Variants in SLC9A4 observed in about 807,000 individuals in gnomAD.
SLC9A4 encodes the protein sodium/hydrogen exchanger 4.
SLC9A4 carries 63 observed loss-of-function variants against 67.4 expected under a neutral mutation model. The ratio of observed to expected loss-of-function variants is 0.93; its 90% confidence interval spans 0.76 to 1.15. The LOEUF is 1.15. SLC9A4 is among the 50% of genes most tolerant of loss of function. The pLI, the probability that SLC9A4 is intolerant of heterozygous loss-of-function variation, is 0.00. For missense variants in SLC9A4, 1,089 were observed against 987.7 expected, an observed-to-expected ratio of 1.10 and a Z score of -1.38; for synonymous variants, 393 against 367.2, an observed-to-expected ratio of 1.07 and a Z score of -0.80.
At chr2:102,479,555 G>A (rs938967850) in intron 2 of SLC9A4, among the ~76,000 whole-genome samples, 1 of 152,188 alleles carries the variant, frequency 6.6e-6, no homozygotes, top group Non-Finnish European at 1.5e-5. Context: ...GAGAGAGAAC[G>A]TATCATTCTT....
intron 11 of SLC9A4, 151 bp downstream of exon 11, chr2:102,526,497 C>A: frequency 1.6e-6 from 1 of 619,808 alleles, no homozygotes; most frequent in Non-Finnish European, 2.7e-6. Flanking sequence ...ATAGTTGAAA[C>A]TCGGAACTTT....
Position 102,479,252 on chromosome 2 carries a change from C to G in SLC9A4, c.670C>G (p.Leu224Val). ...VFEEARVNEQ[L>V]YMMIFGEALL... Reference sequence around the variant, plus strand: ...TGAGGAAGCGCGCGTGAACGAGCAGCTCTACATGATGATCTTTGGGGAGGC... The same window carrying G: ...TGAGGAAGCGCGCGTGAACGAGCAGGTCTACATGATGATCTTTGGGGAGGC... Residue 224 changes from leucine to valine, a missense_variant, in exon 2 of 12, where the codon CTC becomes GTC. Physicochemically the swap from Leu to Val is conservative, Grantham distance 32. Transcript: ENST00000295269. 6.2e-7 allele frequency: 1 copy of G among 1,614,042 alleles called. No homozygotes were observed. Among genetic ancestry groups the G allele is most frequent in the Non-Finnish European group, 8.5e-7 (1 of 1,180,016 alleles).
At chr2:102,486,014 C>T (rs1684581525) in intron 2 of SLC9A4, among the ~76,000 whole-genome samples, 1 of 152,194 alleles carries the variant, frequency 6.6e-6, no homozygotes, top group Non-Finnish European at 1.5e-5. Context: ...GAGGGTGAAC[C>T]ATGTATCCAG....
In SLC9A4 at chr2:102,479,667, T is replaced by C. The variant is rs530302946; in HGVS notation, c.720+365T>C. Among the ~76,000 whole-genome samples the C allele has an allele frequency of 6.6e-5, 10 of 152,342 alleles. 1 individual carries two copies. The highest frequency in any genetic ancestry group is 4.6e-4 in the Admixed American group (7 of 15,302). ...CAGAAACTGATGTTTTTATTTCCTC[T>C]CCATCATCAGACCTCACTCTTATTC... On this transcript the variant is annotated intron_variant, in intron 2 of 11. Coordinates refer to ENST00000295269, the MANE Select transcript of SLC9A4 (RefSeq NM_001011552.4).
At chr2:102,521,618 C>G (rs1573354915) in intron 9 of SLC9A4, among the ~76,000 whole-genome samples, 2 of 152,204 alleles carry the variant, frequency 1.3e-5, no homozygotes, top group Admixed American at 1.3e-4. Context: ...TAAGAATTCT[C>G]TCTTCCACCA....
chr2:102,512,180 A>G, intron 6 of SLC9A4, 23 bp from the exon 7 acceptor site: 17 of 1,613,728 alleles, frequency 1.1e-5, no homozygotes, highest in Non-Finnish European at 1.4e-5. Context: ...TCCAGCAATC[A>G]TTTTCTTGTG....
Position 102,473,903 on chromosome 2 carries a change from T to C in SLC9A4, c.144T>C (p.Ala48=), listed in dbSNP as rs1684273945. Reference sequence around the variant, plus strand: ...ATGCATCTAACGCTTGGTTTGCTGCTGCCAGCTCAGAGCCAGAGGAAGGGA... The same window carrying C: ...ATGCATCTAACGCTTGGTTTGCTGCCGCCAGCTCAGAGCCAGAGGAAGGGA... ...AQYASNAWFA[A]ASSEPEEGIS... The change falls in exon 1 of 12, where the codon GCT becomes GCC. Residue 48 remains alanine (A), a synonymous_variant. Coordinates refer to ENST00000295269, the MANE Select transcript of SLC9A4 (RefSeq NM_001011552.4). The C allele has an allele frequency of 1.9e-6, 3 of 1,614,026 alleles. No individual in the cohort carries two copies. The highest frequency in any genetic ancestry group is 2.5e-6 in the Non-Finnish European group (3 of 1,179,964).
At chr2:102,510,019 T>A (rs1685128635) in intron 6 of SLC9A4, among the ~76,000 whole-genome samples, 2 of 151,982 alleles carry the variant, frequency 1.3e-5, no homozygotes, top group Non-Finnish European at 2.9e-5. Flanking sequence ...TTTTTTTTTT[T>A]TATAAAGGTA....
rs1034686814 is a variant in SLC9A4 at position 102,484,657 on chromosome 2, G to T, written c.720+5355G>T. Among the ~76,000 whole-genome samples the T allele has an allele frequency of 4.6e-5, 7 of 152,286 alleles. No individual in the cohort carries two copies. In the East Asian group the frequency reaches 1.4e-3, roughly 29 times the overall value. On this transcript the variant is annotated intron_variant, in intron 2 of 11. Coordinates refer to ENST00000295269, the MANE Select transcript of SLC9A4 (RefSeq NM_001011552.4). ...CACCTCACAGATGGGAGGGCGGATTGTTCTTAGATTTATAATCTGCCTTCG... is the reference window on the plus strand; with the variant it reads ...CACCTCACAGATGGGAGGGCGGATTTTTCTTAGATTTATAATCTGCCTTCG...
chr2:102,512,051 C>A, intron 6 of SLC9A4, 152 bp from the exon 7 acceptor site: 1 of 723,594 alleles, frequency 1.4e-6, no homozygotes, highest in Non-Finnish European at 2.2e-6. Flanking sequence ...TGAAAGGCAC[C>A]AAATATTTTA....
At chr2:102,528,422 A>G (rs1317277285) in intron 11 of SLC9A4, among the ~76,000 whole-genome samples, 1 of 151,604 alleles carries the variant, frequency 6.6e-6, no homozygotes, top group Non-Finnish European at 1.5e-5. Context: ...TTTTTAATTT[A>G]AATTTTTTTA....
rs756490573 is a variant in SLC9A4, at chr2:102,526,297, C to T, written c.1989C>T (p.Tyr663=). 154 of 1,613,778 alleles carry T rather than the reference C, an allele frequency of 9.5e-5. No individual in the cohort carries two copies. Among genetic ancestry groups the T allele is most frequent in the South Asian group, 5.4e-4 (49 of 91,090 alleles). Residue 663 remains tyrosine (Y), a synonymous_variant, in exon 11 of 12, where the codon TAC becomes TAT. Coordinates refer to ENST00000295269, the MANE Select transcript of SLC9A4 (RefSeq NM_001011552.4). ...ATATCCGCTACCTCTCCTACCCCTA[C>T]GGGAATCCTCAGTCTGCAGGAAGAG... ...TKNIRYLSYP[Y]GNPQSAGRDT... is the part of the protein sequence containing the mutation.
At position 102,508,088 on chromosome 2, in the gene SLC9A4, C is replaced by G; in HGVS notation, c.1208C>G (p.Ala403Gly). 1 of 1,614,020 alleles carries G rather than the reference C, an allele frequency of 6.2e-7. No individual in the cohort carries two copies. Among genetic ancestry groups the G allele is most frequent in the East Asian group, 2.2e-5 (1 of 44,898 alleles). The change falls in exon 5 of 12, where the codon GCT becomes GGT. Residue 403 changes from alanine (A) to glycine (G), a missense_variant. Transcript: ENST00000295269. ...GTTTCCCCCTTTCTAGGCGTATTTG[C>G]TCTCTTCTATATCAGTAACCAGTTT... The part of the protein sequence containing the change: ...CQIWRAISVF[A>G]LFYISNQFRT...
intron 11 of SLC9A4, among the ~76,000 whole-genome samples, chr2:102,531,164 G>A (rs2104452861): frequency 6.7e-6 from 1 of 148,192 alleles, no homozygotes; most frequent in South Asian, 2.1e-4. Flanking sequence ...CCAGGTTCAC[G>A]TCATTCTCCT....
At chr2:102,496,593 T>C (rs1049357317) in intron 2 of SLC9A4, among the ~76,000 whole-genome samples, 1 of 152,232 alleles carries the variant, frequency 6.6e-6, no homozygotes, top group Non-Finnish European at 1.5e-5. Context: ...TGGAGCACTA[T>C]GCCATTAGCT....
At chr2:102,488,468 C>A (rs1437078268) in intron 2 of SLC9A4, among the ~76,000 whole-genome samples, 1 of 152,078 alleles carries the variant, frequency 6.6e-6, no homozygotes, top group Non-Finnish European at 1.5e-5. Flanking sequence ...TTCCTCCTTA[C>A]CCCACAGGAC....
At chr2:102,496,493 G>A (rs1490399770) in intron 2 of SLC9A4, among the ~76,000 whole-genome samples, 2 of 152,150 alleles carry the variant, frequency 1.3e-5, no homozygotes, top group Non-Finnish European at 2.9e-5. Flanking sequence ...AAAAGGGAGG[G>A]ATATACCTAG....
chr2:102,501,017 T>G (rs1684918471), intron 2 of SLC9A4, among the ~76,000 whole-genome samples: 1 of 122,090 alleles, frequency 8.2e-6, no homozygotes, highest in Admixed American at 8.3e-5. Context: ...TGGAGTGCAA[T>G]GGTGCAATCT....
At chr2:102,516,977 G>A (rs1685288087) in intron 8 of SLC9A4, among the ~76,000 whole-genome samples, 2 of 152,002 alleles carry the variant, frequency 1.3e-5, no homozygotes, top group African/African-American at 4.8e-5. Flanking sequence ...TTTCAAAAGA[G>A]GCCTAAAGTA....
Sources: allele counts gnomAD v4.1 joint callset (sites outside exome capture counted in the v4.1 genomes callset), GRCh38; gene constraint gnomAD v4.1.1; transcripts MANE v1.5; gene names NCBI Gene and HGNC (gene_info 2026-07-23, HGNC 2026-07-21).